Variants in XG observed in about 807,000 individuals in gnomAD.
XG encodes Xg glycoprotein (Xg blood group), also known as glycoprotein Xg.
XG carries 24 observed loss-of-function variants against 25.7 expected under a neutral mutation model. That is an observed-to-expected ratio of 0.93 (90% confidence interval 0.68 to 1.31). The LOEUF (loss-of-function observed/expected upper bound fraction) is 1.31, where lower values mean the gene tolerates loss of function less well. Among genes scored for constraint, XG ranks in the 40% most tolerant of loss-of-function variants. The pLI, the probability that XG is intolerant of heterozygous loss-of-function variation, is 0.00. For synonymous variants in XG, 77 were observed against 69.2 expected, an observed-to-expected ratio of 1.11 and a Z score of -0.56; for missense variants, 181 against 187.6, an observed-to-expected ratio of 0.96 and a Z score of 0.21.
chrX:2,813,683 C>G (rs2087078470), intron 10 of XG, among the ~76,000 whole-genome samples: 1 of 112,422 alleles, frequency 8.9e-6, no homozygotes, highest in Non-Finnish European at 1.9e-5. Context: ...AGATGTCTGT[C>G]ACTTGATGTG....
chrX:2,786,260 CTTTTTTTT>C (rs1179667048), intron 4 of XG, among the ~76,000 whole-genome samples: 1 of 60,571 alleles, frequency 1.7e-5, no homozygotes, highest in South Asian at 9.2e-4. Context: ...TCCATGTTGT[CTTTTTTTT>C]TTTTTTTTTC....
chrX:2,760,195 A>C (rs971963526), intron 1 of XG, among the ~76,000 whole-genome samples: 1 of 151,862 alleles, frequency 6.6e-6, no homozygotes, highest in African/African-American at 2.4e-5. Flanking sequence ...AAAAAAATTA[A>C]GGAAGAGTAT....
At chrX:2,768,342 T>C (rs1334139316) in intron 1 of XG, among the ~76,000 whole-genome samples, 3 of 152,176 alleles carry the variant, frequency 2.0e-5, no homozygotes, top group Non-Finnish European at 2.9e-5. Context: ...ACGCTTAACT[T>C]TGGCGTCCTG....
At chrX:2,773,332 A>C (rs1354442492) in intron 2 of XG, among the ~76,000 whole-genome samples, 1 of 148,986 alleles carries the variant, frequency 6.7e-6, no homozygotes, top group Non-Finnish European at 1.5e-5. Context: ...GGAAGGAAAG[A>C]AAGAAAAATA....
chrX:2,757,840 G>C (rs975249247), intron 1 of XG, among the ~76,000 whole-genome samples: 6 of 151,050 alleles, frequency 4.0e-5, no homozygotes, highest in African/African-American at 1.5e-4. Context: ...GGCATGGTGG[G>C]GGGTGTCTGT....
rs186299179 is a variant in XG at position 2,762,641 on chromosome X, G to T, written c.62-7909G>T. Among the ~76,000 whole-genome samples the T allele has an allele frequency of 2.9e-3, 439 of 152,314 alleles. 7 individuals are homozygous for T. The highest frequency in any genetic ancestry group is 4.0e-3 in the Non-Finnish European group (270 of 68,008). The stretch of plus-strand genomic sequence containing the variant: ...ATTTCATCTTATCCATGGGGCTAAA[G>T]TAGAATTCAGCCCTTGGCAAACAAG... On this transcript the variant is annotated intron_variant, in intron 1 of 10. Transcript: ENST00000644266.
rs922582000 is a variant in XG, at chrX:2,811,259, C to A, written c.455-77C>A. ...GGCAAAAACCGCAATAACTTTTGGA[C>A]CAACCTAATATTTAAGCAGTTTTCC... On this transcript the variant is annotated intron_variant, in intron 9 of 10. Transcript: ENST00000644266. 1.1e-4 allele frequency: 91 copies of A among 817,956 alleles called. No homozygotes were observed. In the African/African-American group the frequency reaches 1.7e-3, roughly 15 times the overall value. 67.4% of individuals were successfully genotyped at this position (817,956 alleles called of 1,213,427 possible). A position where few individuals can be genotyped will look rare whatever the true frequency, so the allele number is the denominator to read the frequency against.
chrX:2,767,998 C>T (rs1158840255), intron 1 of XG, among the ~76,000 whole-genome samples: 3 of 152,150 alleles, frequency 2.0e-5, no homozygotes, highest in South Asian at 2.1e-4. Context: ...CAGGGTCATC[C>T]GGAGCATCTC....
chrX:2,814,417 A>T lies in XG; in HGVS notation c.*37A>T. On this transcript the variant is annotated 3_prime_UTR_variant, in exon 11 of 11. Transcript: ENST00000644266. ...TCCCCTGATTACTTTGAGAAAAACA[A>T]CTAAAACAAGAACCGTGTTTATCAC... is the stretch of plus-strand genomic sequence containing the variant. 2 of 1,193,347 alleles carry T rather than the reference A, an allele frequency of 1.7e-6. No individual in the cohort carries two copies. The highest frequency in any genetic ancestry group is 5.9e-5 in the East Asian group (2 of 33,677).
chrX:2,794,505 A>C, intron 5 of XG, 30 bp from the exon 6 acceptor site: 1 of 1,205,984 alleles, frequency 8.3e-7, no homozygotes, highest in African/African-American at 1.7e-5. Context: ...GAGAGGTCTC[A>C]TGAGCAATGC....
chrX:2,798,095 T>C (rs951570954), intron 7 of XG, among the ~76,000 whole-genome samples: 6 of 111,139 alleles, frequency 5.4e-5, no homozygotes, highest in Admixed American at 3.9e-4. Flanking sequence ...GAGAACTCTT[T>C]TGGTCGGTGC....
At chrX:2,791,003 A>G (rs937378647) in intron 5 of XG, among the ~76,000 whole-genome samples, 7 of 111,216 alleles carry the variant, frequency 6.3e-5, no homozygotes, top group African/African-American at 9.8e-5. Flanking sequence ...TGACTGAAAA[A>G]TACCATGCAC....
In XG at chrX:2,792,423, C is replaced by T. The variant is rs377431461; in HGVS notation, c.254-2112C>T. On this transcript the variant is annotated intron_variant, in intron 5 of 10. Transcript: ENST00000644266. ...GATCACAGCTCACTGCAGCCTCCAC[C>T]TCCTGGGCTCAAGCAATCCTCCGAC... Among the ~76,000 whole-genome samples, 25 of 111,347 alleles carry T rather than the reference C, an allele frequency of 2.2e-4. 1 individual carries two copies. The South Asian group carries it at 4.3e-3, about 19-fold the overall frequency.
At chrX:2,780,913 G>A (rs2857316) in intron 3 of XG, among the ~76,000 whole-genome samples, 56,351 of 151,610 alleles carry the variant, frequency 0.37, 7,551 homozygotes, top group African/African-American at 0.45. Flanking sequence ...AGGGAGCAGA[G>A]GGGGGACTTT....
chrX:2,797,789 T>C (rs112044322), intron 7 of XG, among the ~76,000 whole-genome samples: 1,492 of 111,209 alleles, frequency 0.013, 26 homozygotes, highest in African/African-American at 0.045. Flanking sequence ...CCCAGCACTT[T>C]GGGAGGCTGA....
intron 7 of XG, among the ~76,000 whole-genome samples, chrX:2,800,882 G>A (rs1225036322): frequency 9.3e-6 from 1 of 107,955 alleles, no homozygotes; most frequent in Non-Finnish European, 1.9e-5. Context: ...CCAGCTACTC[G>A]GGAGGTGTAA....
chrX:2,768,773 A>C (rs1053035429), intron 1 of XG, among the ~76,000 whole-genome samples: 1 of 152,220 alleles, frequency 6.6e-6, no homozygotes, highest in African/African-American at 2.4e-5. Context: ...ATCTAAAAAC[A>C]AAACAAACAA....
Position 2,815,052 on chromosome X carries a change from G to C in XG, c.*672G>C, listed in dbSNP as rs1360017122. The C allele has an allele frequency of 9.0e-6, 1 of 111,595 alleles. No homozygotes were observed. Among genetic ancestry groups the C allele is most frequent in the Non-Finnish European group, 1.9e-5 (1 of 53,141 alleles). 9.2% of individuals were successfully genotyped at this position (111,595 alleles called of 1,213,427 possible). ...AACCATCTGGGGGAAATCTTGGGAT[G>C]CTTTTTCCTAGGAAATCATATGGTT... is the stretch of plus-strand genomic sequence containing the variant. On this transcript the variant is annotated 3_prime_UTR_variant, in exon 11 of 11. Coordinates refer to ENST00000644266, the MANE Select transcript of XG (RefSeq NM_001141919.2).
chrX:2,773,213 A>G lies in XG; in HGVS notation c.104-1503A>G, dbSNP rs1484345119. On this transcript the variant is annotated intron_variant, in intron 2 of 10. Transcript: ENST00000644266. Reference sequence around the variant, plus strand: ...AAGGAGGGAAGAAAAGGAAGAAGAGAGGGAACGATGGAGGGAAGGAAGGAA... The same window carrying G: ...AAGGAGGGAAGAAAAGGAAGAAGAGGGGGAACGATGGAGGGAAGGAAGGAA... Among the ~76,000 whole-genome samples, 3 of 149,482 alleles carry G rather than the reference A, an allele frequency of 2.0e-5. 1 individual carries two copies. The highest frequency in any genetic ancestry group is 4.5e-5 in the Non-Finnish European group (3 of 67,394).
Sources: allele counts gnomAD v4.1 joint callset (sites outside exome capture counted in the v4.1 genomes callset), GRCh38; gene constraint gnomAD v4.1.1; transcripts MANE v1.5; gene names NCBI Gene and HGNC (gene_info 2026-07-23, HGNC 2026-07-21).